The following SLC6A5 variants were observed in gnomAD, a reference collection of about 807,000 sequenced individuals.
SLC6A5 encodes solute carrier family 6 member 5, also known as sodium- and chloride-dependent glycine transporter 2.
SLC6A5 carries 58 observed loss-of-function variants against 90.5 expected under a neutral mutation model. That is an observed-to-expected ratio of 0.64 (90% CI 0.52 to 0.80). The LOEUF (loss-of-function observed/expected upper bound fraction) is 0.80. Among genes scored for constraint, SLC6A5 ranks in the 30% least tolerant of loss-of-function variants. SLC6A5 has a pLI of 0.00. For missense variants in SLC6A5, 1,015 were observed against 1,017.6 expected (o/e 1.00, Z 0.03); for synonymous variants, 427 against 401.4 (o/e 1.06, Z -0.76).
intron 7 of SLC6A5, among the ~76,000 whole-genome samples, chr11:20,625,476 G>T (rs1477549771): frequency 6.6e-6 from 1 of 152,116 alleles, no homozygotes; most frequent in Non-Finnish European, 1.5e-5. Flanking sequence ...TGGCCAGGCT[G>T]GTCTTGAACT....
chr11:20,607,723 C>A, intron 5 of SLC6A5, 71 bp downstream of exon 5: 2 of 1,232,156 alleles, frequency 1.6e-6, no homozygotes, highest in South Asian at 2.4e-5. Flanking sequence ...AATAATTGAA[C>A]ATATATTATG....
rs575424356 is a variant in SLC6A5, at chr11:20,644,961, G to A, written c.1970-1873G>A. Among the ~76,000 whole-genome samples, 6 of 151,404 alleles carry A rather than the reference G, an allele frequency of 4.0e-5. No individual in the cohort carries two copies. The East Asian group carries it at 1.2e-3, about 29-fold the overall frequency. On this transcript the variant is annotated intron_variant, in intron 13 of 15. Coordinates refer to ENST00000525748, the MANE Select transcript of SLC6A5 (RefSeq NM_004211.5). ...CAAGTAGCTGGGATTACAGGCATGC[G>A]TCACCATGCCCGGCTGATTTTTTGT...
At chr11:20,602,168 C>T (rs1282798835) in intron 2 of SLC6A5, among the ~76,000 whole-genome samples, 1 of 152,136 alleles carries the variant, frequency 6.6e-6, no homozygotes, top group African/African-American at 2.4e-5. Flanking sequence ...TCATTTGATG[C>T]GAGGTGGGTT....
chr11:20,627,100 C>A (rs1210572000), intron 8 of SLC6A5, among the ~76,000 whole-genome samples: 1 of 152,162 alleles, frequency 6.6e-6, no homozygotes. Context: ...CCCTTAATAG[C>A]TTTGGGCCAA....
rs1852476576 is a variant in SLC6A5 at position 20,601,483 on chromosome 11, T to C, written c.358T>C (p.Cys120Arg). ...CTCCGGGCCCGGCAACGCGCTGCAC[T>C]GTAAGATCCCTTTTCTGCGAGGCCC... Reference protein sequence around the residue: ...GSSGPGNALHCKIPFLRGPEG... With the variant: ...GSSGPGNALHRKIPFLRGPEG... Residue 120 changes from cysteine to arginine, a missense_variant, in exon 2 of 16, where the codon TGT becomes CGT. This residue lies in a region of SLC6A5 where 567 missense variants were observed against 507.3 expected (regional missense o/e 1.12). Coordinates refer to ENST00000525748, the MANE Select transcript of SLC6A5 (RefSeq NM_004211.5). 2 of 1,613,304 alleles carry C rather than the reference T, an allele frequency of 1.2e-6. No homozygotes were observed. Among genetic ancestry groups the C allele is most frequent in the Non-Finnish European group, 1.7e-6 (2 of 1,179,694 alleles).
chr11:20,602,887 G>C (rs1416671450), intron 2 of SLC6A5, among the ~76,000 whole-genome samples: 1 of 152,214 alleles, frequency 6.6e-6, no homozygotes, highest in Non-Finnish European at 1.5e-5. Context: ...AGGTGGAGCA[G>C]AATATTTGTT....
intron 5 of SLC6A5, among the ~76,000 whole-genome samples, chr11:20,608,155 GC>G (rs1852619961): frequency 6.6e-6 from 1 of 152,156 alleles, no homozygotes; most frequent in South Asian, 2.1e-4. Flanking sequence ...CGATCCTGGG[GC>G]CAGACTTCAC....
In SLC6A5 at chr11:20,600,324, AAAGAAGAAGAGGAAGAAGAAG is replaced by A. The variant is rs1218878378; in HGVS notation, c.3+660_3+680del. 7.4e-3 allele frequency among the ~76,000 whole-genome samples: 919 copies of A among 124,766 alleles called. 12 individuals carry two copies. Among genetic ancestry groups the A allele is most frequent in the Admixed American group, 0.014 (168 of 12,092 alleles). The allele number at this position is 124,766 out of a possible 152,430, so 81.9% of individuals were successfully genotyped here. On this transcript the variant is annotated intron_variant, in intron 1 of 15. Transcript: ENST00000525748. Reference sequence around the variant, plus strand: ...AGACTCCTGTGAATAGTTACGCAAAAAAGAAGAAGAGGAAGAAGAAGAAGAAGAAGAAGAAGAAGAAGAAGA... The same window carrying A: ...AGACTCCTGTGAATAGTTACGCAAAAAAGAAGAAGAAGAAGAAGAAGAAGA...
In SLC6A5 at chr11:20,640,395, C is replaced by T. The variant is rs1414049765; in HGVS notation, c.1969+1837C>T. Among the ~76,000 whole-genome samples, 3 of 152,214 alleles carry T rather than the reference C, an allele frequency of 2.0e-5. No individual in the cohort carries two copies. The East Asian group carries it at 5.8e-4, about 29-fold the overall frequency. On this transcript the variant is annotated intron_variant, in intron 13 of 15. Transcript: ENST00000525748. ...TGTTTTTAGGAATTAAATAGTCTCC[C>T]CCGCATCCCCATACAAATCTAGTCA...
rs1384475582 is a variant in SLC6A5 at position 20,604,300 on chromosome 11, G to A, written c.555G>A (p.Gly185=). 4 of 1,612,352 alleles carry A rather than the reference G, an allele frequency of 2.5e-6. No individual in the cohort carries two copies. The highest frequency in any genetic ancestry group is 2.5e-6 in the Non-Finnish European group (3 of 1,178,754). The change falls in exon 3 of 16, where the codon GGG becomes GGA. Residue 185 remains glycine (G), a synonymous_variant. Transcript: ENST00000525748. ...TCCGCCCCCAGGAGGACGAGCAAGGGGATGAGAATAAGGCCCGAGGGAACT... is the reference window on the plus strand; with the variant it reads ...TCCGCCCCCAGGAGGACGAGCAAGGAGATGAGAATAAGGCCCGAGGGAACT... ...ATVATQEDEQ[G]DENKARGNWS... is the part of the protein sequence containing the mutation.
intron 1 of SLC6A5, among the ~76,000 whole-genome samples, chr11:20,600,404 A>AGAAGAAGAG (rs1852445334): frequency 2.7e-5 from 4 of 145,502 alleles, no homozygotes; most frequent in East Asian, 4.0e-4. Flanking sequence ...AAGAAGAAGA[A>AGAAGAAGAG]GAAGAAGACC....
chr11:20,620,466 C>G (rs1363120909), intron 7 of SLC6A5, among the ~76,000 whole-genome samples: 1 of 152,180 alleles, frequency 6.6e-6, no homozygotes, highest in Non-Finnish European at 1.5e-5. Flanking sequence ...GGTGTATGGT[C>G]AGTTATTAAC....
intron 1 of SLC6A5, among the ~76,000 whole-genome samples, chr11:20,600,070 A>G (rs1184738625): frequency 6.6e-6 from 1 of 152,156 alleles, no homozygotes; most frequent in Non-Finnish European, 1.5e-5. Context: ...AAAGGGGGTT[A>G]GACGAGAGGA....
rs1409887765 is a variant in SLC6A5, at chr11:20,656,990, T to A, written c.*2122T>A. ...AGTGAGAGGAGCCAGGAGGAATAACTTAGGCCTGGAAATTATCTGCAGGCT... is the reference window on the plus strand; with the variant it reads ...AGTGAGAGGAGCCAGGAGGAATAACATAGGCCTGGAAATTATCTGCAGGCT... On this transcript the variant is annotated 3_prime_UTR_variant, in exon 16 of 16. Coordinates refer to ENST00000525748, the MANE Select transcript of SLC6A5 (RefSeq NM_004211.5). The A allele has an allele frequency of 6.6e-6, 1 of 152,200 alleles. No homozygotes were observed. Among genetic ancestry groups the A allele is most frequent in the Admixed American group, 6.5e-5 (1 of 15,292 alleles). 9.4% of individuals were successfully genotyped at this position (152,200 alleles called of 1,614,324 possible).
intron 14 of SLC6A5, among the ~76,000 whole-genome samples, chr11:20,648,463 T>C (rs181478272): frequency 1.2e-3 from 184 of 152,332 alleles, no homozygotes; most frequent in African/African-American, 4.3e-3. Context: ...ACCTATATTT[T>C]AGAGTCTGCA....
chr11:20,635,402 C>CT (rs986424147), intron 10 of SLC6A5, among the ~76,000 whole-genome samples: 2 of 82,378 alleles, frequency 2.4e-5, no homozygotes, highest in African/African-American at 4.3e-5. Flanking sequence ...TCATGCGCCG[C>CT]CCCCCCGCAA....
At chr11:20,639,274 T>A (rs186768740) in intron 13 of SLC6A5, among the ~76,000 whole-genome samples, 48 of 152,218 alleles carry the variant, frequency 3.2e-4, no homozygotes, top group Non-Finnish European at 6.0e-4. Flanking sequence ...CCTATTTGAT[T>A]CAAGGCCCTA....
intron 6 of SLC6A5, among the ~76,000 whole-genome samples, chr11:20,616,421 C>G (rs193256095): frequency 3.9e-5 from 6 of 152,144 alleles, no homozygotes; most frequent in African/African-American, 1.4e-4. Context: ...ATTTGCAAAC[C>G]TGCTTTTGAT....
intron 6 of SLC6A5, among the ~76,000 whole-genome samples, chr11:20,615,243 A>T (rs1238601102): frequency 1.3e-5 from 2 of 152,092 alleles, no homozygotes; most frequent in Non-Finnish European, 2.9e-5. Flanking sequence ...GCTTTGCCTT[A>T]GTTTTGTATT....
Sources: allele counts gnomAD v4.1 joint callset (sites outside exome capture counted in the v4.1 genomes callset), GRCh38; gene constraint gnomAD v4.1.1; regional missense constraint gnomAD v4.1.1; transcripts MANE v1.5; gene names NCBI Gene and HGNC (gene_info 2026-07-23, HGNC 2026-07-21).